The following ZNF567 variants were observed in gnomAD, a reference collection of about 807,000 sequenced individuals.
The protein encoded by ZNF567 is zinc finger protein 567.
Under a neutral mutation model 53.9 loss-of-function variants are expected in ZNF567, and 36 were observed. That is an observed-to-expected ratio of 0.67 (90% CI 0.51 to 0.88). ZNF567 has a LOEUF of 0.88. Among genes scored for constraint, ZNF567 ranks in the 40% least tolerant of loss-of-function variants. ZNF567 has a pLI of 0.00. For synonymous variants in ZNF567, 224 were observed against 260.4 expected (o/e 0.86, Z 1.35); for missense variants, 619 against 764.7 (o/e 0.81, Z 2.25).
At position 36,687,633 on chromosome 19, in the gene ZNF567, A is replaced by G. The variant is rs2038314135; in HGVS notation, c.-169A>G. The G allele has an allele frequency of 2.6e-5, 4 of 152,456 alleles. No homozygotes were observed. Among genetic ancestry groups the G allele is most frequent in the African/African-American group, 9.6e-5 (4 of 41,470 alleles). The allele number at this position is 152,456 out of a possible 1,614,324, so 9.4% of individuals were successfully genotyped here. A position where few individuals can be genotyped will look rare whatever the true frequency, so the allele number is the denominator to read the frequency against. ...GCGCAGACGCCCGGCCGGCAACCGAAGGTGAGGCTGGTGGGTCCCGCGGGC... is the reference window on the plus strand; with the variant it reads ...GCGCAGACGCCCGGCCGGCAACCGAGGGTGAGGCTGGTGGGTCCCGCGGGC... On this transcript the variant is annotated splice_region_variant and 5_prime_UTR_variant, in exon 1 of 6. Transcript: ENST00000682579.
In ZNF567 at chr19:36,715,499, TAA is replaced by T. The variant is rs2040007863; in HGVS notation, c.223+2633_223+2634del. Among the ~76,000 whole-genome samples, 105 of 39,186 alleles carry T rather than the reference TAA, an allele frequency of 2.7e-3. 1 individual carries two copies. Among genetic ancestry groups the T allele is most frequent in the Middle Eastern group, 0.017 (1 of 60 alleles). 25.7% of individuals were successfully genotyped at this position (39,186 alleles called of 152,430 possible). A position where few individuals can be genotyped will look rare whatever the true frequency, so the allele number is the denominator to read the frequency against. On this transcript the variant is annotated intron_variant, in intron 5 of 5. Transcript: ENST00000682579. ...CTCAAAATAATAATAATAATAATAA[TAA>T]TAATAATAATTATTATTATTATTAT...
chr19:36,712,790 T>C lies in ZNF567; in HGVS notation c.146T>C (p.Met49Thr). 1.2e-6 allele frequency: 2 copies of C among 1,613,690 alleles called. No homozygotes were observed. Among genetic ancestry groups the C allele is most frequent in the Non-Finnish European group, 1.7e-6 (2 of 1,179,878 alleles). The change falls in exon 5 of 6, where the codon ATG becomes ACG. Residue 49 changes from methionine to threonine, a missense_variant. Coordinates refer to ENST00000682579, the MANE Select transcript of ZNF567 (RefSeq NM_001322917.1). Reference sequence around the variant, plus strand: ...TTTTTTCACTTTTCAGGGTGTCACATGACCAAACCTGATGTGATCCTCAAG... The same window carrying C: ...TTTTTTCACTTTTCAGGGTGTCACACGACCAAACCTGATGTGATCCTCAAG... ...YCHLISVGCHMTKPDVILKLE... is the reference protein window; with the variant it reads ...YCHLISVGCHTTKPDVILKLE...
the ZNF567 span, among the ~76,000 whole-genome samples, chr19:36,675,899 T>C: frequency 6.6e-6 from 1 of 152,094 alleles, no homozygotes; most frequent in East Asian, 1.9e-4. Flanking sequence ...TTTATTTCTA[T>C]TGCTGATGTC....
downstream of ZNF567, among the ~76,000 whole-genome samples, chr19:36,721,732 C>CT (rs756276834): frequency 5.4e-4 from 66 of 121,632 alleles, no homozygotes; most frequent in East Asian, 8.5e-4. Flanking sequence ...GTACCAGAGT[C>CT]TTTTTTTTTT....
upstream of ZNF567, among the ~76,000 whole-genome samples, chr19:36,684,792 CAAG>C (rs2038235722): frequency 6.6e-6 from 1 of 152,088 alleles, no homozygotes; most frequent in South Asian, 2.1e-4. Flanking sequence ...AGAAAGAAGT[CAAG>C]AAAGTATTCT....
chr19:36,670,749 C>T, the ZNF567 span, among the ~76,000 whole-genome samples: 1 of 152,176 alleles, frequency 6.6e-6, no homozygotes, highest in Non-Finnish European at 1.5e-5. Flanking sequence ...TATATCAGCT[C>T]TCCAGACACA....
Position 36,712,853 on chromosome 19 carries a change from G to A in ZNF567, c.209G>A (p.Gly70Asp), listed in dbSNP as rs1262255359. 6.2e-7 allele frequency: 1 copy of A among 1,613,914 alleles called. No individual in the cohort carries two copies. Among genetic ancestry groups the A allele is most frequent in the Admixed American group, 1.7e-5 (1 of 59,972 alleles). ...GAAGAGCCATGGACATCATTTGCAG[G>A]TCATACCTGCTTGGGTGAGTTTCTG... ...RGEEPWTSFAGHTCLEENWKA... is the reference protein window; with the variant it reads ...RGEEPWTSFADHTCLEENWKA... Residue 70 changes from glycine (G) to aspartate (D), a missense_variant, in exon 5 of 6, where the codon GGT becomes GAT. Transcript: ENST00000682579.
intron 3 of ZNF567, chr19:36,711,868 A>G (rs949633272): frequency 2.0e-5 from 3 of 152,422 alleles, no homozygotes; most frequent in South Asian, 2.1e-4. Flanking sequence ...TTCACAGTAA[A>G]TATTCTTAGA....
chr19:36,719,898 C>A lies in ZNF567; in HGVS notation c.1174C>A (p.Pro392Thr), dbSNP rs1331142021. Reference protein sequence around the residue: ...LHQRIHTGEKPYICKECGKSF... With the variant: ...LHQRIHTGEKTYICKECGKSF... ...TCAGAGAATCCATACAGGTGAGAAA[C>A]CCTACATTTGTAAAGAATGTGGGAA... The change falls in exon 6 of 6, where the codon CCC (proline) becomes ACC (threonine). Residue 392 changes from proline to threonine, a missense_variant. Physicochemically the swap from Pro to Thr is conservative, Grantham distance 38. Transcript: ENST00000682579. 6.2e-7 allele frequency: 1 copy of A among 1,604,844 alleles called. No individual in the cohort carries two copies. The highest frequency in any genetic ancestry group is 8.5e-7 in the Non-Finnish European group (1 of 1,174,012).
At chr19:36,699,687 G>A (rs1261478270) in intron 3 of ZNF567, among the ~76,000 whole-genome samples, 1 of 152,168 alleles carries the variant, frequency 6.6e-6, no homozygotes, top group Non-Finnish European at 1.5e-5. Flanking sequence ...TGAAGCAGTT[G>A]TGAATGGGCG....
At chr19:36,706,460 AT>A (rs1234066573) in intron 3 of ZNF567, among the ~76,000 whole-genome samples, 2 of 151,804 alleles carry the variant, frequency 1.3e-5, no homozygotes, top group Non-Finnish European at 2.9e-5. Context: ...TGCCCAGCTA[AT>A]TTTTCTGTTT....
chr19:36,715,497 AATAATAATAATAATT>A (rs1418694613), intron 5 of ZNF567, among the ~76,000 whole-genome samples: 3,404 of 76,394 alleles, frequency 0.045, 63 homozygotes, highest in Admixed American at 0.058. Context: ...TAATAATAAT[AATAATAATAATAATT>A]ATTATTATTA....
At chr19:36,671,929 G>A in the ZNF567 span, among the ~76,000 whole-genome samples, 1,211 of 152,344 alleles carry the variant, frequency 7.9e-3, 17 homozygotes, top group African/African-American at 0.028. Context: ...GCACACATGT[G>A]AAGAAGTGGC....
the ZNF567 span, among the ~76,000 whole-genome samples, chr19:36,676,198 TG>T: frequency 6.6e-6 from 1 of 150,418 alleles, no homozygotes; most frequent in African/African-American, 2.4e-5. Context: ...CCCGAGTAGC[TG>T]GGATTACAGG....
downstream of ZNF567, among the ~76,000 whole-genome samples, chr19:36,725,942 A>G (rs1340774222): frequency 6.7e-6 from 1 of 149,694 alleles, no homozygotes; most frequent in Non-Finnish European, 1.5e-5. Context: ...CTTGTGTTAC[A>G]TTCTCACAGT....
At chr19:36,723,970 G>C (rs139081559), downstream of ZNF567, among the ~76,000 whole-genome samples, 376 of 147,550 alleles carry the variant, frequency 2.5e-3, 3 homozygotes, top group African/African-American at 9.0e-3. Flanking sequence ...TTATGAAACT[G>C]TCTATGGCTG....
At chr19:36,723,113 A>G, downstream of ZNF567, 1 of 701,556 alleles carries the variant, frequency 1.4e-6, no homozygotes, top group Non-Finnish European at 2.6e-6. Context: ...GTTATATACT[A>G]GTATATGCTA....
chr19:36,693,492 A>G (rs1310954437), intron 2 of ZNF567, among the ~76,000 whole-genome samples: 1 of 152,150 alleles, frequency 6.6e-6, no homozygotes, highest in Non-Finnish European at 1.5e-5. Context: ...GAATAAAAGG[A>G]CAGGAAGACA....
At chr19:36,691,436 G>A (rs896848083) in intron 2 of ZNF567, among the ~76,000 whole-genome samples, 2 of 151,802 alleles carry the variant, frequency 1.3e-5, no homozygotes, top group Non-Finnish European at 2.9e-5. Context: ...CAGGTGCTGG[G>A]ATTATAGGTG....
Sources: allele counts gnomAD v4.1 joint callset (sites outside exome capture counted in the v4.1 genomes callset), GRCh38; gene constraint gnomAD v4.1.1; transcripts MANE v1.5; gene names NCBI Gene and HGNC (gene_info 2026-07-23, HGNC 2026-07-21).